The following MYO3B variants were observed in gnomAD, a reference collection of about 807,000 sequenced individuals.
MYO3B encodes myosin IIIB, also known as myosin-IIIb.
In MYO3B, 156 loss-of-function variants were observed where a neutral mutation model predicts 174.6. The ratio of observed to expected loss-of-function variants is 0.89; its 90% CI spans 0.78 to 1.02. The LOEUF is 1.02. Among genes scored for constraint, MYO3B ranks in the 50% least tolerant of loss-of-function variants. MYO3B has a pLI of 0.00. For synonymous variants in MYO3B, 563 were observed against 569.1 expected (o/e 0.99, Z 0.15); for missense variants, 1,632 against 1,639.4 (o/e 1.00, Z 0.08).
intron 25 of MYO3B, among the ~76,000 whole-genome samples, chr2:170,476,280 T>C (rs1293256857): frequency 1.3e-5 from 2 of 151,600 alleles, no homozygotes; most frequent in Non-Finnish European, 2.9e-5. Context: ...TACAGTGCAC[T>C]CTTTCAGCTT....
intron 21 of MYO3B, among the ~76,000 whole-genome samples, chr2:170,406,577 G>A (rs111951795): frequency 0.012 from 1,802 of 152,104 alleles, 48 homozygotes; most frequent in African/African-American, 0.041. Context: ...TGAAATACCA[G>A]CATCTACCCT....
At chr2:170,575,868 C>T (rs4668283) in intron 32 of MYO3B, among the ~76,000 whole-genome samples, 7,117 of 152,234 alleles carry the variant, frequency 0.047, 370 homozygotes, top group East Asian at 0.25. Context: ...AGGTTTTGAA[C>T]AGAAAACCCC....
chr2:170,548,242 G>A (rs1690668151), intron 32 of MYO3B, among the ~76,000 whole-genome samples: 1 of 151,874 alleles, frequency 6.6e-6, no homozygotes, highest in Admixed American at 6.6e-5. Flanking sequence ...GCCTGGAGGA[G>A]AGAATGTGAA....
intron 32 of MYO3B, among the ~76,000 whole-genome samples, chr2:170,629,843 C>A (rs1696797883): frequency 6.6e-6 from 1 of 152,156 alleles, no homozygotes; most frequent in South Asian, 2.1e-4. Flanking sequence ...GAGCGAGACT[C>A]TATCTAAAAA....
chr2:170,321,692 C>T (rs2093827521), intron 7 of MYO3B, among the ~76,000 whole-genome samples: 1 of 152,164 alleles, frequency 6.6e-6, no homozygotes, highest in African/African-American at 2.4e-5. Context: ...CCTGAATACT[C>T]AGTGTGTTTC....
chr2:170,334,394 T>C (rs908783278), intron 7 of MYO3B: 1 of 152,200 alleles, frequency 6.6e-6, no homozygotes, highest in South Asian at 2.1e-4. Flanking sequence ...TGTATATTTA[T>C]TTCTGGTAAT....
rs551252414 is a variant in MYO3B, at chr2:170,376,709, C to T, written c.972-5307C>T. Among the ~76,000 whole-genome samples the T allele has an allele frequency of 3.3e-5, 5 of 152,052 alleles. No individual in the cohort carries two copies. In the South Asian group the frequency reaches 6.2e-4, roughly 19 times the overall value. ...CACTTTTTGCAGTTCCACTCTTGGA[C>T]GGAGGAGAGGGTTCTTATCCTGGGT... is the stretch of plus-strand genomic sequence containing the variant. On this transcript the variant is annotated intron_variant, in intron 9 of 34. Coordinates refer to ENST00000408978, the MANE Select transcript of MYO3B (RefSeq NM_138995.5).
intron 22 of MYO3B, among the ~76,000 whole-genome samples, chr2:170,409,692 A>G (rs1374886199): frequency 2.0e-5 from 3 of 152,256 alleles, no homozygotes; most frequent in Non-Finnish European, 4.4e-5. Context: ...CTTTTTAGGC[A>G]ACGAGGGAAA....
chr2:170,378,822 A>T (rs376351510), intron 9 of MYO3B, among the ~76,000 whole-genome samples: 1 of 152,230 alleles, frequency 6.6e-6, no homozygotes, highest in African/African-American at 2.4e-5. Context: ...GCATTTCTGT[A>T]TGCAGCTCAG....
chr2:170,335,897 A>G (rs1204823258), intron 8 of MYO3B, among the ~76,000 whole-genome samples: 2 of 152,134 alleles, frequency 1.3e-5, no homozygotes, highest in African/African-American at 4.8e-5. Flanking sequence ...TGATAGAGGG[A>G]CAAAGTAGAA....
At chr2:170,623,121 A>G (rs545946531) in intron 32 of MYO3B, among the ~76,000 whole-genome samples, 1 of 152,134 alleles carries the variant, frequency 6.6e-6, no homozygotes, top group Non-Finnish European at 1.5e-5. Context: ...TGGTATTTCT[A>G]GTTCTAGATC....
intron 23 of MYO3B, among the ~76,000 whole-genome samples, chr2:170,451,231 T>C (rs1055765022): frequency 6.6e-6 from 1 of 152,282 alleles, no homozygotes; most frequent in African/African-American, 2.4e-5. Flanking sequence ...ATCTTTCATT[T>C]TTGGTGAAAA....
intron 7 of MYO3B, among the ~76,000 whole-genome samples, chr2:170,281,026 A>T (rs1033908976): frequency 6.6e-6 from 1 of 152,140 alleles, no homozygotes; most frequent in African/African-American, 2.4e-5. Flanking sequence ...GTCATTTGTA[A>T]TTTGATAGGA....
At chr2:170,602,102 T>C in intron 32 of MYO3B, 4 of 1,197,370 alleles carry the variant, frequency 3.3e-6, no homozygotes, top group Non-Finnish European at 5.0e-6. Flanking sequence ...GAGCACTTCT[T>C]AGAAAACTCT....
chr2:170,277,437 A>G (rs1472651521), intron 7 of MYO3B, among the ~76,000 whole-genome samples: 1 of 152,186 alleles, frequency 6.6e-6, no homozygotes, highest in Non-Finnish European at 1.5e-5. Context: ...ACTGGTTTTC[A>G]AAGAGAGTCT....
At chr2:170,560,893 A>G (rs1172933943) in intron 32 of MYO3B, among the ~76,000 whole-genome samples, 1 of 152,238 alleles carries the variant, frequency 6.6e-6, no homozygotes, top group Non-Finnish European at 1.5e-5. Context: ...GACGGGGGAC[A>G]GAACATCCAA....
At chr2:170,528,288 G>C (rs1013477938) in intron 30 of MYO3B, among the ~76,000 whole-genome samples, 3 of 152,156 alleles carry the variant, frequency 2.0e-5, no homozygotes, top group Admixed American at 2.0e-4. Flanking sequence ...TCAAATTGAG[G>C]GTCAGTTGCT....
intron 32 of MYO3B, among the ~76,000 whole-genome samples, chr2:170,546,892 T>C (rs1456440175): frequency 2.0e-5 from 3 of 152,106 alleles, no homozygotes; most frequent in Non-Finnish European, 4.4e-5. Context: ...CGTTATTCTA[T>C]GAAGGGGTCT....
intron 1 of MYO3B, among the ~76,000 whole-genome samples, chr2:170,185,926 C>A (rs1175104184): frequency 6.6e-6 from 1 of 151,984 alleles, no homozygotes; most frequent in African/African-American, 2.4e-5. Flanking sequence ...TTCTTGATTT[C>A]TTTTTCCAGT....
Sources: allele counts gnomAD v4.1 joint callset (sites outside exome capture counted in the v4.1 genomes callset), GRCh38; gene constraint gnomAD v4.1.1; transcripts MANE v1.5; gene names NCBI Gene and HGNC (gene_info 2026-07-23, HGNC 2026-07-21).